DIAPH2: variants seen among roughly 807,000 people sequenced by gnomAD.
The protein encoded by DIAPH2 is diaphanous related formin 2.
DIAPH2 carries 35 observed loss-of-function variants against 92.7 expected under a neutral mutation model. The ratio of observed to expected loss-of-function variants is 0.38; its 90% confidence interval spans 0.29 to 0.50. The LOEUF is 0.50. DIAPH2 is among the 20% of genes least tolerant of loss of function. The pLI is 0.94. For missense variants in DIAPH2, 701 were observed against 819.5 expected, an observed-to-expected ratio of 0.86 and a Z score of 1.77; for synonymous variants, 301 against 280.4, an observed-to-expected ratio of 1.07 and a Z score of -0.73.
At chrX:96,958,897 C>T (rs2065829785) in intron 16 of DIAPH2, among the ~76,000 whole-genome samples, 1 of 111,634 alleles carries the variant, frequency 9.0e-6, no homozygotes, top group Non-Finnish European at 1.9e-5. Context: ...CATATTGCTG[C>T]AAATGACAGG....
At chrX:97,141,534 G>A (rs1447407767) in intron 21 of DIAPH2, 131 bp from the exon 22 acceptor site, 1 of 631,503 alleles carries the variant, frequency 1.6e-6, no homozygotes. Flanking sequence ...ACCGCTACTA[G>A]ACCACATTAA....
At chrX:97,379,244 A>G (rs1207180355) in intron 24 of DIAPH2, among the ~76,000 whole-genome samples, 1 of 111,508 alleles carries the variant, frequency 9.0e-6, no homozygotes, top group Non-Finnish European at 1.9e-5. Context: ...AGGTTGGTAT[A>G]TTTCCAGTCA....
intron 17 of DIAPH2, among the ~76,000 whole-genome samples, chrX:97,029,213 C>G (rs1414236678): frequency 9.4e-6 from 1 of 106,086 alleles, no homozygotes; most frequent in Non-Finnish European, 1.9e-5. Context: ...AGTGGCACAA[C>G]CTTGGCTCAC....
chrX:97,542,993 CTG>C (rs1304372118), intron 26 of DIAPH2, among the ~76,000 whole-genome samples: 1 of 112,233 alleles, frequency 8.9e-6, no homozygotes, highest in African/African-American at 3.2e-5. Context: ...ATTCCATTAT[CTG>C]TTGTTGTAGA....
intron 4 of DIAPH2, among the ~76,000 whole-genome samples, chrX:96,808,723 T>TA (rs1254713923): frequency 8.9e-6 from 1 of 112,195 alleles, no homozygotes; most frequent in Admixed American, 9.4e-5. Context: ...AACAGAAATC[T>TA]AAAAACAATC....
chrX:97,271,846 C>CA (rs1767989116), intron 23 of DIAPH2, among the ~76,000 whole-genome samples: 1 of 107,673 alleles, frequency 9.3e-6, no homozygotes, highest in Admixed American at 1.0e-4. Flanking sequence ...CACACACACA[C>CA]ATGCGTACAG....
chrX:96,698,891 C>T (rs2063839101), intron 1 of DIAPH2, among the ~76,000 whole-genome samples: 1 of 108,063 alleles, frequency 9.3e-6, no homozygotes, highest in African/African-American at 3.4e-5. Context: ...CCATGCCCCA[C>T]TAAATTTTTT....
chrX:97,045,286 AGAGTTATGCCTTG>A (rs2066473765), intron 17 of DIAPH2, among the ~76,000 whole-genome samples: 1 of 111,934 alleles, frequency 8.9e-6, no homozygotes, highest in Non-Finnish European at 1.9e-5. Context: ...TCAAGAATAG[AGAGTTATGCCTTG>A]GCCATCTTAC....
chrX:97,386,331 GT>G (rs1313674809), intron 25 of DIAPH2, among the ~76,000 whole-genome samples: 2 of 111,817 alleles, frequency 1.8e-5, no homozygotes, highest in Non-Finnish European at 3.8e-5. Context: ...GGCAATATGT[GT>G]TTATAGGAAG....
chrX:97,391,952 A>G (rs920070172), intron 25 of DIAPH2, among the ~76,000 whole-genome samples: 13 of 111,961 alleles, frequency 1.2e-4, no homozygotes, highest in African/African-American at 4.2e-4. Context: ...TACCAAGGCT[A>G]TATTTTGAGA....
intron 23 of DIAPH2, among the ~76,000 whole-genome samples, chrX:97,256,296 A>G (rs1265090008): frequency 8.9e-6 from 1 of 112,552 alleles, no homozygotes; most frequent in Non-Finnish European, 1.9e-5. Flanking sequence ...ATGTAAAGCC[A>G]TTTTGGTATT....
chrX:96,836,419 A>T (rs1013110362), intron 4 of DIAPH2, among the ~76,000 whole-genome samples: 1 of 108,779 alleles, frequency 9.2e-6, no homozygotes, highest in South Asian at 3.9e-4. Context: ...AGGCATATTG[A>T]TTTCCATATA....
intron 22 of DIAPH2, among the ~76,000 whole-genome samples, chrX:97,226,346 T>G (rs2067964926): frequency 1.8e-5 from 2 of 110,450 alleles, no homozygotes; most frequent in Admixed American, 1.9e-4. Flanking sequence ...ACGTTTTTTG[T>G]TTTTTGTTTT....
chrX:97,093,719 C>A (rs1001852485), intron 19 of DIAPH2, among the ~76,000 whole-genome samples: 1 of 111,762 alleles, frequency 8.9e-6, no homozygotes, highest in Admixed American at 9.5e-5. Flanking sequence ...ATGTAGAAAG[C>A]AATACATGTA....
chrX:97,144,914 G>A (rs998300114), intron 22 of DIAPH2, among the ~76,000 whole-genome samples: 11 of 111,458 alleles, frequency 9.9e-5, no homozygotes, highest in Non-Finnish European at 2.1e-4. Flanking sequence ...ACAGGCGCAC[G>A]CCACCATGCC....
At chrX:97,388,750 G>T (rs1052055507) in intron 25 of DIAPH2, among the ~76,000 whole-genome samples, 4 of 111,166 alleles carry the variant, frequency 3.6e-5, no homozygotes, top group African/African-American at 1.3e-4. Context: ...TCTTAGAGTT[G>T]AAACTGAGAT....
chrX:97,380,565 C>T (rs2069542556), intron 24 of DIAPH2, among the ~76,000 whole-genome samples: 1 of 110,227 alleles, frequency 9.1e-6, no homozygotes, highest in African/African-American at 3.3e-5. Flanking sequence ...AGAATACATC[C>T]CATCCCTCAA....
intron 5 of DIAPH2, among the ~76,000 whole-genome samples, chrX:96,900,631 G>A (rs1275503915): frequency 9.0e-6 from 1 of 111,148 alleles, no homozygotes; most frequent in Non-Finnish European, 1.9e-5. Context: ...AGTCCCTTCT[G>A]TGCCTCGGTT....
intron 5 of DIAPH2, among the ~76,000 whole-genome samples, chrX:96,905,481 G>T (rs1023387533): frequency 7.2e-5 from 8 of 110,681 alleles, no homozygotes; most frequent in African/African-American, 2.6e-4. Flanking sequence ...AATTTTCCTC[G>T]TTTTGCTTTG....
Sources: allele counts gnomAD v4.1 joint callset (sites outside exome capture counted in the v4.1 genomes callset), GRCh38; gene constraint gnomAD v4.1.1; transcripts MANE v1.5; gene names NCBI Gene and HGNC (gene_info 2026-07-23, HGNC 2026-07-21).